GDPD1: variants seen among roughly 807,000 people sequenced by gnomAD.
GDPD1 encodes glycerophosphodiester phosphodiesterase domain containing 1.
A neutral mutation model predicts 45.1 loss-of-function variants in GDPD1; 28 were observed. The observed-to-expected ratio is 0.62, with a 90% confidence interval of 0.46 to 0.85. The LOEUF (loss-of-function observed/expected upper bound fraction) is 0.85. Ranked by LOEUF, GDPD1 falls within the 40% of genes least tolerant of loss-of-function variation. The pLI, the probability that GDPD1 is intolerant of heterozygous loss-of-function variation, is 0.00. For missense variants in GDPD1, 256 were observed against 364.8 expected, an observed-to-expected ratio of 0.70 and a Z score of 2.43; for synonymous variants, 139 against 131.4, an observed-to-expected ratio of 1.06 and a Z score of -0.40.
chr17:59,238,780 G>A (rs981423748), intron 2 of GDPD1, among the ~76,000 whole-genome samples: 14 of 152,242 alleles, frequency 9.2e-5, no homozygotes, highest in Middle Eastern at 3.4e-3. Context: ...CCTAACTCAG[G>A]CTCTGACATA....
intron 1 of GDPD1, among the ~76,000 whole-genome samples, chr17:59,225,090 C>CTTTT (rs796851725): frequency 1.9e-4 from 22 of 113,652 alleles, no homozygotes; most frequent in Admixed American, 3.9e-4. Flanking sequence ...TCTTTCTTTT[C>CTTTT]TTTTTTTTTT....
At chr17:59,256,315 T>TCAAA (rs935329666) in intron 4 of GDPD1, among the ~76,000 whole-genome samples, 9 of 151,902 alleles carry the variant, frequency 5.9e-5, no homozygotes, top group South Asian at 4.2e-4. Flanking sequence ...AGACCCTGTC[T>TCAAA]CAAACAAACA....
chr17:59,225,090 CTTT>C lies in GDPD1; in HGVS notation c.142+4356_142+4358del, dbSNP rs796851725. Among the ~76,000 whole-genome samples, 1,039 of 113,640 alleles carry C rather than the reference CTTT, an allele frequency of 9.1e-3. 3 individuals are homozygous for C. The highest frequency in any genetic ancestry group is 0.034 in the African/African-American group (992 of 28,898). The allele number at this position is 113,640 out of a possible 152,430, so 74.6% of individuals were successfully genotyped here. ...ATGTGTTTATTATTTTCTTTCTTTT[CTTT>C]TTTTTTTTTTTTTTTTGAGATGGAA... On this transcript the variant is annotated intron_variant, in intron 1 of 9. Coordinates refer to ENST00000284116, the MANE Select transcript of GDPD1 (RefSeq NM_182569.4).
chr17:59,224,394 G>A (rs1045563974), intron 1 of GDPD1, among the ~76,000 whole-genome samples: 1 of 152,056 alleles, frequency 6.6e-6, no homozygotes, highest in Admixed American at 6.6e-5. Context: ...AGGCCGAAGC[G>A]GGCGGATCAC....
chr17:59,255,524 C>T (rs1018315360), intron 4 of GDPD1, among the ~76,000 whole-genome samples: 6 of 149,442 alleles, frequency 4.0e-5, no homozygotes, highest in Non-Finnish European at 5.9e-5. Context: ...GGTGGATCAC[C>T]GAACGCCAGG....
At chr17:59,243,671 C>T (rs933454180) in intron 2 of GDPD1, among the ~76,000 whole-genome samples, 7 of 152,084 alleles carry the variant, frequency 4.6e-5, no homozygotes, top group Admixed American at 4.6e-4. Context: ...CATCATCGTA[C>T]CTATTTTAAA....
chr17:59,255,257 A>G (rs2047287382), intron 4 of GDPD1, among the ~76,000 whole-genome samples: 1 of 152,144 alleles, frequency 6.6e-6, no homozygotes, highest in Non-Finnish European at 1.5e-5. Flanking sequence ...TACAATAGTT[A>G]TATAGTATGT....
intron 2 of GDPD1, among the ~76,000 whole-genome samples, chr17:59,240,198 G>A (rs979751695): frequency 8.6e-5 from 13 of 151,978 alleles, no homozygotes; most frequent in Non-Finnish European, 1.5e-4. Context: ...GGCTGAGGCA[G>A]GAGTATCGCT....
chr17:59,275,254 T>C lies in GDPD1; in HGVS notation c.*1481T>C. On this transcript the variant is annotated 3_prime_UTR_variant, in exon 10 of 10. Transcript: ENST00000284116. Reference sequence around the variant, plus strand: ...CGGAAAAAAGCTTGGAAATCAGTGATGTGTAGTTATTTGGCAAGTTATACA... The same window carrying C: ...CGGAAAAAAGCTTGGAAATCAGTGACGTGTAGTTATTTGGCAAGTTATACA... 1.4e-6 allele frequency: 2 copies of C among 1,432,434 alleles called. No homozygotes were observed. Among genetic ancestry groups the C allele is most frequent in the East Asian group, 2.5e-5 (1 of 40,170 alleles). The allele number at this position is 1,432,434 out of a possible 1,614,324, so 88.7% of individuals were successfully genotyped here.
chr17:59,266,285 G>T (rs1019506232), intron 6 of GDPD1, among the ~76,000 whole-genome samples: 13 of 151,438 alleles, frequency 8.6e-5, no homozygotes, highest in Non-Finnish European at 1.9e-4. Flanking sequence ...CTACTTGGGG[G>T]GCTGAGGCAG....
At chr17:59,232,599 A>G (rs1342376704) in intron 1 of GDPD1, among the ~76,000 whole-genome samples, 2 of 152,256 alleles carry the variant, frequency 1.3e-5, no homozygotes, top group African/African-American at 4.8e-5. Context: ...GATAATAGAC[A>G]TTATAACAAT....
intron 6 of GDPD1, among the ~76,000 whole-genome samples, chr17:59,262,629 G>GTT (rs144444466): frequency 1.9e-3 from 252 of 131,168 alleles, no homozygotes; most frequent in Middle Eastern, 7.5e-3. Context: ...TCTTGGTTTT[G>GTT]TTTTTTTTTG....
At chr17:59,255,762 A>ATATATATATAT (rs1555724154) in intron 4 of GDPD1, among the ~76,000 whole-genome samples, 4 of 44,354 alleles carry the variant, frequency 9.0e-5, no homozygotes, top group Non-Finnish European at 1.4e-4. Flanking sequence ...AAAAAAAAAA[A>ATATATATATAT]ATATATATAT....
intron 1 of GDPD1, among the ~76,000 whole-genome samples, chr17:59,232,730 T>G (rs1026809138): frequency 6.6e-6 from 1 of 152,138 alleles, no homozygotes; most frequent in Non-Finnish European, 1.5e-5. Context: ...CATGTTCTTT[T>G]ATAAAATCAA....
chr17:59,245,667 C>A, intron 3 of GDPD1, 118 bp downstream of exon 3: 1 of 732,540 alleles, frequency 1.4e-6, no homozygotes, highest in Non-Finnish European at 2.1e-6. Flanking sequence ...TGATTAAATA[C>A]TAAACATCAA....
intron 2 of GDPD1, among the ~76,000 whole-genome samples, chr17:59,239,476 G>A (rs2047158964): frequency 6.6e-6 from 1 of 151,946 alleles, no homozygotes; most frequent in African/African-American, 2.4e-5. Context: ...GTAGGTGCAT[G>A]TTGTTATTCA....
chr17:59,235,457 T>C (rs1442076349), intron 2 of GDPD1, among the ~76,000 whole-genome samples: 2 of 152,210 alleles, frequency 1.3e-5, no homozygotes, highest in Non-Finnish European at 2.9e-5. Flanking sequence ...TGTCATCTCT[T>C]ACTCTTCTTG....
chr17:59,244,470 A>C (rs1332986835), intron 2 of GDPD1, among the ~76,000 whole-genome samples: 1 of 152,116 alleles, frequency 6.6e-6, no homozygotes, highest in Non-Finnish European at 1.5e-5. Flanking sequence ...TGCTGGGATT[A>C]GACGCCTGAG....
intron 4 of GDPD1, among the ~76,000 whole-genome samples, chr17:59,255,876 C>CACACACATATATATATATAT (rs2047304911): frequency 2.4e-5 from 1 of 41,902 alleles, no homozygotes; most frequent in African/African-American, 2.2e-4. Flanking sequence ...TATATATATA[C>CACACACATATATATATATAT]ACACACACAC....
Sources: allele counts gnomAD v4.1 joint callset (sites outside exome capture counted in the v4.1 genomes callset), GRCh38; gene constraint gnomAD v4.1.1; transcripts MANE v1.5; gene names NCBI Gene and HGNC (gene_info 2026-07-23, HGNC 2026-07-21).